The following LACTB2 variants were observed in gnomAD, a reference collection of about 807,000 sequenced individuals.
LACTB2 encodes the protein lactamase beta 2, also known as endoribonuclease LACTB2.
A neutral mutation model predicts 34.8 loss-of-function variants in LACTB2; 32 were observed. The observed-to-expected ratio is 0.92, with a 90% confidence interval of 0.69 to 1.24. LACTB2 has a LOEUF of 1.24. LACTB2 is among the 50% of genes most tolerant of loss of function. LACTB2 has a pLI of 0.00. For synonymous variants in LACTB2, 120 were observed against 117.5 expected, an observed-to-expected ratio of 1.02 and a Z score of -0.14; for missense variants, 320 against 345.0, an observed-to-expected ratio of 0.93 and a Z score of 0.57.
intron 3 of LACTB2, among the ~76,000 whole-genome samples, chr8:70,657,428 ATTTT>A (rs777806428): frequency 2.6e-5 from 3 of 115,818 alleles, no homozygotes; most frequent in East Asian, 2.4e-4. Flanking sequence ...CAGATCTTCT[ATTTT>A]TTTTTTTTTT....
At chr8:70,647,307 C>T (rs1047605012) in intron 3 of LACTB2, among the ~76,000 whole-genome samples, 16 of 150,932 alleles carry the variant, frequency 1.1e-4, no homozygotes, top group Non-Finnish European at 2.4e-4. Context: ...GGCTGGAGTG[C>T]AGTGGTGCAA....
intron 1 of LACTB2, among the ~76,000 whole-genome samples, chr8:70,666,640 G>A (rs1818535320): frequency 1.3e-5 from 2 of 152,192 alleles, no homozygotes; most frequent in Admixed American, 1.3e-4. Context: ...GAGAGACAGA[G>A]GTAGTCGTAC....
intron 3 of LACTB2, among the ~76,000 whole-genome samples, chr8:70,649,273 T>C: frequency 6.6e-6 from 1 of 152,008 alleles, no homozygotes; most frequent in Non-Finnish European, 1.5e-5. Context: ...AATTCTGAGA[T>C]GACACCAGCA....
intron 3 of LACTB2, among the ~76,000 whole-genome samples, chr8:70,651,465 C>T (rs530098170): frequency 1.3e-5 from 2 of 152,094 alleles, no homozygotes; most frequent in Non-Finnish European, 2.9e-5. Flanking sequence ...GGCGATGTGT[C>T]ATATCTTGTG....
intron 4 of LACTB2, among the ~76,000 whole-genome samples, chr8:70,642,839 A>T (rs1021365434): frequency 6.6e-6 from 1 of 152,122 alleles, no homozygotes; most frequent in Non-Finnish European, 1.5e-5. Context: ...GTCTAGTGAG[A>T]TCTGAGACAC....
chr8:70,640,977 C>T lies in LACTB2; in HGVS notation c.666G>A (p.Gln222=). The T allele has an allele frequency of 6.2e-7, 1 of 1,609,920 alleles. No individual in the cohort carries two copies. Among genetic ancestry groups the T allele is most frequent in the Non-Finnish European group, 8.5e-7 (1 of 1,178,582 alleles). ...QYISHRNIRE[Q]QILTLFRENF... is the part of the protein sequence containing the mutation. ...TCTCACGAAATAATGTAAGAATTTG[C>T]TGCTCTCGAATATTTCTGTGAGAAA... Residue 222 remains glutamine (Q), a synonymous_variant, in exon 5 of 7, where the codon CAG becomes CAA. Coordinates refer to ENST00000276590, the MANE Select transcript of LACTB2 (RefSeq NM_016027.3).
intron 3 of LACTB2, among the ~76,000 whole-genome samples, chr8:70,654,409 C>G (rs747063995): frequency 3.3e-5 from 5 of 151,374 alleles, no homozygotes; most frequent in Non-Finnish European, 7.4e-5. Flanking sequence ...ATCTTGTATG[C>G]AGCGAGAGTC....
intron 3 of LACTB2, among the ~76,000 whole-genome samples, chr8:70,648,042 T>C (rs192067960): frequency 1.4e-3 from 208 of 152,350 alleles, no homozygotes; most frequent in Admixed American, 4.1e-3. Context: ...GCCTTTACGC[T>C]ACATGAAGAT....
rs1258550184 is a variant in LACTB2 at position 70,660,535 on chromosome 8, A to C, written c.286+1199T>G. ...AGCAGATCTTTACAAATGTTTAAAAATACTAGCTCAATGTAAATAAGCATG... is the reference window on the plus strand; with the variant it reads ...AGCAGATCTTTACAAATGTTTAAAACTACTAGCTCAATGTAAATAAGCATG... On this transcript the variant is annotated intron_variant, in intron 2 of 6. Transcript: ENST00000276590. 3 of 443,044 alleles carry C rather than the reference A, an allele frequency of 6.8e-6. No individual in the cohort carries two copies. The East Asian group carries it at 2.1e-4, about 31-fold the overall frequency. The allele number at this position is 443,044 out of a possible 1,614,324, so 27.4% of individuals were successfully genotyped here. A position where few individuals can be genotyped will look rare whatever the true frequency, so the allele number is the denominator to read the frequency against.
chr8:70,660,378 C>T, intron 2 of LACTB2: 1 of 352,472 alleles, frequency 2.8e-6, no homozygotes, highest in Non-Finnish European at 5.6e-6. Context: ...CTATGGTACA[C>T]AGTCCCCTTA....
At chr8:70,648,589 GT>G (rs1250432988) in intron 3 of LACTB2, among the ~76,000 whole-genome samples, 1 of 151,980 alleles carries the variant, frequency 6.6e-6, no homozygotes, top group African/African-American at 2.4e-5. Context: ...AAAAAATAAA[GT>G]TAGAGTAGTA....
In LACTB2 at chr8:70,657,852, CGTGG is replaced by C; in HGVS notation, c.313_316del (p.Pro105GlyfsTer9). On this transcript the variant is annotated frameshift_variant, in exon 3 of 7. Transcript: ENST00000276590. LOFTEE classifies it high-confidence loss of function. ...TATAATTTCTTCTCTCTGAGGATTC[CGTGG>C]GAGTTTTTTAATGCAATAGGTAGTG... 1 of 1,606,154 alleles carries C rather than the reference CGTGG, an allele frequency of 6.2e-7. No individual in the cohort carries two copies. The highest frequency in any genetic ancestry group is 8.5e-7 in the Non-Finnish European group (1 of 1,173,298).
chr8:70,646,250 A>G (rs1818262571), intron 3 of LACTB2: 1 of 152,228 alleles, frequency 6.6e-6, no homozygotes, highest in Admixed American at 6.5e-5. Context: ...AGAAACTACC[A>G]TCAGAGTGAA....
At chr8:70,641,108 C>T in intron 4 of LACTB2, 58 bp from the exon 5 acceptor site, 2 of 1,389,042 alleles carry the variant, frequency 1.4e-6, no homozygotes, top group Non-Finnish European at 2.0e-6. Flanking sequence ...CTAAGTACAA[C>T]AGAAGCTAAC....
intron 1 of LACTB2, among the ~76,000 whole-genome samples, chr8:70,667,986 T>A (rs1818557431): frequency 1.3e-5 from 2 of 152,162 alleles, no homozygotes; most frequent in African/African-American, 4.8e-5. Flanking sequence ...CTTAATTCTC[T>A]ATCCTCCTAG....
At chr8:70,664,263 C>T (rs1818513342) in intron 1 of LACTB2, among the ~76,000 whole-genome samples, 1 of 152,214 alleles carries the variant, frequency 6.6e-6, no homozygotes, top group Non-Finnish European at 1.5e-5. Context: ...CCTTCCCGTC[C>T]TCCCAAGAAA....
intron 1 of LACTB2, among the ~76,000 whole-genome samples, chr8:70,668,063 T>G (rs1226549141): frequency 6.6e-6 from 1 of 152,210 alleles, no homozygotes; most frequent in Non-Finnish European, 1.5e-5. Flanking sequence ...AACTTAATCT[T>G]TTACCTGCCC....
At chr8:70,644,020 C>T in intron 4 of LACTB2, 45 bp downstream of exon 4, 1 of 1,423,122 alleles carries the variant, frequency 7.0e-7, no homozygotes, top group Non-Finnish European at 9.2e-7. Flanking sequence ...GACCTTGTCT[C>T]TATTTAAAAA....
At chr8:70,647,427 A>G (rs1818278035) in intron 3 of LACTB2, among the ~76,000 whole-genome samples, 1 of 151,786 alleles carries the variant, frequency 6.6e-6, no homozygotes, top group Admixed American at 6.6e-5. Flanking sequence ...TAATTTTTGT[A>G]TTTTTAGTAG....
Sources: gnomAD v4.1 joint callset for allele counts (sites outside exome capture counted in the v4.1 genomes callset) on GRCh38, gnomAD v4.1.1 for gene constraint, MANE v1.5 for transcripts, NCBI Gene and HGNC (gene_info 2026-07-23, HGNC 2026-07-21) for gene names.